Variants in RYR1 observed in about 807,000 individuals in gnomAD.
RYR1 encodes central core disease of muscle.
RYR1 carries 342 observed loss-of-function variants against 583.5 expected under a neutral mutation model. The observed-to-expected ratio is 0.59, with a 90% CI of 0.54 to 0.64. RYR1 has a LOEUF of 0.64. RYR1 is among the 30% of genes least tolerant of loss of function. RYR1 has a pLI of 0.00. For synonymous variants in RYR1, 2,791 were observed against 2,822.5 expected (o/e 0.99, Z 0.35); for missense variants, 6,032 against 6,917.2 (o/e 0.87, Z 4.54).
rs773534917 is a variant in RYR1 at position 38,505,344 on chromosome 19, C to T, written c.8346C>T (p.Asp2782=). ...QNNWSYGENI[D]EELKTHPMLR... is the part of the protein sequence containing the mutation. ...ACTGGTCCTATGGAGAGAACATAGA[C>T]GAGGAGCTGAAGACCCACCCCATGC... Residue 2782 remains aspartate, a synonymous_variant, in exon 53 of 106, where the codon GAC becomes GAT. Transcript: ENST00000359596. 20 of 1,612,280 alleles carry T rather than the reference C, an allele frequency of 1.2e-5. No individual in the cohort carries two copies. The highest frequency in any genetic ancestry group is 4.4e-5 in the South Asian group (4 of 90,710).
At position 38,499,368 on chromosome 19, in the gene RYR1, C is replaced by G; in HGVS notation, c.7027+125C>G. ...CAGGCAGGAATCCCTTCCAGCAGGCCTGGGGCTGGCAGGGGCCTGTGTTAC... is the reference window on the plus strand; with the variant it reads ...CAGGCAGGAATCCCTTCCAGCAGGCGTGGGGCTGGCAGGGGCCTGTGTTAC... On this transcript the variant is annotated intron_variant, in intron 43 of 105. Transcript: ENST00000359596. This position sits in a 1 kb window ranked among gnomAD's most constrained non-coding sequence, Gnocchi z 7.3. The G allele has an allele frequency of 6.7e-7, 1 of 1,488,988 alleles. No individual in the cohort carries two copies. Among genetic ancestry groups the G allele is most frequent in the Non-Finnish European group, 9.3e-7 (1 of 1,076,026 alleles). 92.2% of individuals were successfully genotyped at this position (1,488,988 alleles called of 1,614,324 possible).
chr19:38,562,585 C>T lies in RYR1; in HGVS notation c.12624+1131C>T, dbSNP rs144175377. 5.3e-3 allele frequency among the ~76,000 whole-genome samples: 806 copies of T among 152,242 alleles called. 6 individuals are homozygous for T. Among genetic ancestry groups the T allele is most frequent in the African/African-American group, 0.018 (766 of 41,542 alleles). On this transcript the variant is annotated intron_variant, in intron 90 of 105. Coordinates refer to ENST00000359596, the MANE Select transcript of RYR1 (RefSeq NM_000540.3). ...CTCAGGGGACACCAGCTCATGCACGCGGGCTCATGTCCCACACAGAGCCCT... is the reference window on the plus strand; with the variant it reads ...CTCAGGGGACACCAGCTCATGCACGTGGGCTCATGTCCCACACAGAGCCCT...
At chr19:38,502,992 C>T in intron 49 of RYR1, 22 bp downstream of exon 49, 2 of 1,604,154 alleles carry the variant, frequency 1.2e-6, no homozygotes, top group Non-Finnish European at 1.7e-6. Flanking sequence ...CGCTCTTTAG[C>T]ATCTCATTTC....
At position 38,500,483 on chromosome 19, in the gene RYR1, T is replaced by C. The variant is rs1231191447; in HGVS notation, c.7324-123T>C. 7.7e-6 allele frequency: 11 copies of C among 1,428,992 alleles called. No individual in the cohort carries two copies. The highest frequency in any genetic ancestry group is 1.1e-5 in the Non-Finnish European group (11 of 1,028,894). 88.5% of individuals were successfully genotyped at this position (1,428,992 alleles called of 1,614,324 possible). A position where few individuals can be genotyped will look rare whatever the true frequency, so the allele number is the denominator to read the frequency against. On this transcript the variant is annotated intron_variant, in intron 45 of 105. Transcript: ENST00000359596. The surrounding 1 kb of genome is among the most constrained non-coding windows in gnomAD (Gnocchi z 5.9). The stretch of plus-strand genomic sequence containing the variant: ...GCAGAGGAACGAGGGCTGGAAACTC[T>C]AGACAGCCTCCTGAGAAAGAGGCCT...
intron 7 of RYR1, among the ~76,000 whole-genome samples, chr19:38,445,573 C>T (rs1972901678): frequency 6.6e-6 from 1 of 152,120 alleles, no homozygotes; most frequent in Admixed American, 6.6e-5. Flanking sequence ...GAAACTCAGA[C>T]TCATCAACTT....
rs2145578905 is a variant in RYR1 at position 38,494,633 on chromosome 19, A to G, written c.6548+8A>G. On this transcript the variant is annotated splice_region_variant and intron_variant, in intron 39 of 105. Transcript: ENST00000359596. ...CATGATCCAGAGCATCGGGTGAGAC[A>G]CCGCCCTTCCCCCTTACTTTGCATA... is the stretch of plus-strand genomic sequence containing the variant. 1 of 1,613,954 alleles carries G rather than the reference A, an allele frequency of 6.2e-7. No individual in the cohort carries two copies. Among genetic ancestry groups the G allele is most frequent in the East Asian group, 2.2e-5 (1 of 44,884 alleles).
At chr19:38,578,904 C>T (rs961343069) in intron 99 of RYR1, among the ~76,000 whole-genome samples, 18 of 150,760 alleles carry the variant, frequency 1.2e-4, no homozygotes, top group Admixed American at 7.9e-4. Context: ...TGAGCTCAAA[C>T]GTTTAAGACC....
At chr19:38,523,798 G>T in intron 69 of RYR1, 117 bp from the exon 70 acceptor site, 1 of 1,367,766 alleles carries the variant, frequency 7.3e-7, no homozygotes, top group South Asian at 1.2e-5. Flanking sequence ...CCCAGCTAGA[G>T]AATACATGGC....
At chr19:38,513,559 A>G (rs1344405190) in intron 63 of RYR1, among the ~76,000 whole-genome samples, 1 of 152,006 alleles carries the variant, frequency 6.6e-6, no homozygotes, top group Non-Finnish European at 1.5e-5. Flanking sequence ...TTTTCAAAAC[A>G]TACAGGAAGG....
Position 38,485,560 on chromosome 19 carries a change from G to A in RYR1, c.4935-30G>A, listed in dbSNP as rs1428124589. ...ACTGATGCAGGAGGCTCATTCATCTGTCCCTGTCTGTTTCCCACCTCTGCT... is the reference window on the plus strand; with the variant it reads ...ACTGATGCAGGAGGCTCATTCATCTATCCCTGTCTGTTTCCCACCTCTGCT... On this transcript the variant is annotated intron_variant, in intron 33 of 105. Coordinates refer to ENST00000359596, the MANE Select transcript of RYR1 (RefSeq NM_000540.3). 1.9e-6 allele frequency: 3 copies of A among 1,605,406 alleles called. No homozygotes were observed. The East Asian group carries it at 6.7e-5, about 36-fold the overall frequency.
intron 58 of RYR1, among the ~76,000 whole-genome samples, chr19:38,508,498 A>T (rs1233965013): frequency 6.6e-6 from 1 of 152,248 alleles, no homozygotes; most frequent in East Asian, 1.9e-4. Flanking sequence ...GGCGTGAGCC[A>T]CCGCACCCGG....
In RYR1 at chr19:38,496,140, C is replaced by T. The variant is rs545818875; in HGVS notation, c.6549-75C>T. 17 of 1,200,864 alleles carry T rather than the reference C, an allele frequency of 1.4e-5. No homozygotes were observed. The highest frequency in any genetic ancestry group is 6.1e-5 in the South Asian group (5 of 82,286). 74.4% of individuals were successfully genotyped at this position (1,200,864 alleles called of 1,614,324 possible). A position where few individuals can be genotyped will look rare whatever the true frequency, so the allele number is the denominator to read the frequency against. On this transcript the variant is annotated intron_variant, in intron 39 of 105. Transcript: ENST00000359596. The surrounding 1 kb of genome is among the most constrained non-coding windows in gnomAD (Gnocchi z 4.8). ...AGAGTGAGAGGGTCAAGAATGCCAA[C>T]GCTGTCACAGTGGTGGCTATGGCCC...
intron 50 of RYR1, 85 bp from the exon 51 acceptor site, chr19:38,504,663 A>G: frequency 1.3e-6 from 2 of 1,559,622 alleles, no homozygotes; most frequent in Non-Finnish European, 1.8e-6. Context: ...AGGAGGGCTG[A>G]TGATTGCAGT....
Position 38,489,972 on chromosome 19 carries a change from A to C in RYR1, c.5815-104A>C. ...CCAGGCGGGAAATGATTTTGGCTGG[A>C]CCTGGGCAGGGCCATGGAGAGGGGA... On this transcript the variant is annotated intron_variant, in intron 35 of 105. Transcript: ENST00000359596. 4 of 1,205,218 alleles carry C rather than the reference A, an allele frequency of 3.3e-6. No homozygotes were observed. In the South Asian group the frequency reaches 4.9e-5, roughly 15 times the overall value. The allele number at this position is 1,205,218 out of a possible 1,614,324, so 74.7% of individuals were successfully genotyped here. A position where few individuals can be genotyped will look rare whatever the true frequency, so the allele number is the denominator to read the frequency against.
chr19:38,562,229 C>T (rs1463415530), intron 90 of RYR1, among the ~76,000 whole-genome samples: 4 of 152,094 alleles, frequency 2.6e-5, no homozygotes, highest in Non-Finnish European at 4.4e-5. Context: ...ACTCTCTAAT[C>T]TGACATGCCC....
chr19:38,494,853 CTTTT>C (rs1226486711), intron 39 of RYR1, among the ~76,000 whole-genome samples: 1 of 127,378 alleles, frequency 7.9e-6, no homozygotes, highest in Admixed American at 8.4e-5. Flanking sequence ...CCACCCCCCC[CTTTT>C]TTTTTTTTTT....
At chr19:38,536,837 A>G in intron 83 of RYR1, 70 bp downstream of exon 83, 4 of 1,490,980 alleles carry the variant, frequency 2.7e-6, no homozygotes, top group African/African-American at 1.4e-5. Flanking sequence ...CCACCCCTCC[A>G]CCTAGGGGCT....
At chr19:38,459,908 C>T (rs1298870104) in intron 19 of RYR1, among the ~76,000 whole-genome samples, 2 of 152,190 alleles carry the variant, frequency 1.3e-5, no homozygotes, top group African/African-American at 4.8e-5. Context: ...CCCATTTATT[C>T]CAAAGACCCC....
chr19:38,579,805 C>G (rs894872211), intron 99 of RYR1, among the ~76,000 whole-genome samples, 177 bp from the exon 100 acceptor site: 1 of 152,040 alleles, frequency 6.6e-6, no homozygotes, highest in African/African-American at 2.4e-5. Flanking sequence ...GGAGGGGGCT[C>G]TCATCTCCCC....
Sources: allele counts gnomAD v4.1 joint callset (sites outside exome capture counted in the v4.1 genomes callset), GRCh38; gene constraint gnomAD v4.1.1; non-coding constraint Gnocchi (gnomAD v3.1); transcripts MANE v1.5; gene names NCBI Gene and HGNC (gene_info 2026-07-23, HGNC 2026-07-21).